The following MLXIP variants were observed in gnomAD, a reference collection of about 807,000 sequenced individuals.
The protein encoded by MLXIP is MLX interacting protein.
Under a neutral mutation model 87.2 loss-of-function variants are expected in MLXIP, and 30 were observed. The observed-to-expected ratio is 0.34, with a 90% CI of 0.26 to 0.47. The LOEUF is 0.47. Among genes scored for constraint, MLXIP ranks in the 20% least tolerant of loss-of-function variants. The pLI is 1.00. For missense variants in MLXIP, 1,002 were observed against 1,240.1 expected (o/e 0.81, Z 2.88); for synonymous variants, 530 against 514.0 (o/e 1.03, Z -0.42).
rs553617512 is a variant in MLXIP, at chr12:122,104,194, A to ACAAGTGTACT, written c.414-23061_414-23052dup. 5.4e-3 allele frequency among the ~76,000 whole-genome samples: 823 copies of ACAAGTGTACT among 152,330 alleles called. 7 individuals carry two copies. Among genetic ancestry groups the ACAAGTGTACT allele is most frequent in the African/African-American group, 0.018 (767 of 41,580 alleles). On this transcript the variant is annotated intron_variant, in intron 1 of 16. Transcript: ENST00000319080. ...TATGTAAACAATAAAATTCACCCTT[A>ACAAGTGTACT]CAAGTGTACTGATTTATAGTTTTGG...
At chr12:122,080,989 C>T (rs1314092303) in intron 1 of MLXIP, among the ~76,000 whole-genome samples, 4 of 152,044 alleles carry the variant, frequency 2.6e-5, no homozygotes, top group Non-Finnish European at 5.9e-5. Context: ...CCTAAGTAAG[C>T]TCTGCTAAAT....
rs1261786433 is a variant in MLXIP at position 122,138,175 on chromosome 12, C to A, written c.2155-19C>A. 6.3e-7 allele frequency: 1 copy of A among 1,579,004 alleles called. No homozygotes were observed. Among genetic ancestry groups the A allele is most frequent in the Non-Finnish European group, 8.6e-7 (1 of 1,162,094 alleles). On this transcript the variant is annotated intron_variant, in intron 12 of 16. Coordinates refer to ENST00000319080, the MANE Select transcript of MLXIP (RefSeq NM_014938.6). The stretch of plus-strand genomic sequence containing the variant: ...GCCTGCAATGTGCCTGTCTTAGTGA[C>A]CAGCGGGTTCTCCAGCAGAACCGGC...
intron 4 of MLXIP, 70 bp from the exon 5 acceptor site, chr12:122,129,518 G>A (rs1952936861): frequency 6.4e-7 from 1 of 1,567,632 alleles, no homozygotes; most frequent in Non-Finnish European, 8.7e-7. Context: ...TGAGAGTTCT[G>A]TATATTCTAG....
At chr12:122,131,213 T>C (rs1412813902) in intron 7 of MLXIP, among the ~76,000 whole-genome samples, 2 of 152,062 alleles carry the variant, frequency 1.3e-5, no homozygotes. Context: ...GCCAGCTCCC[T>C]ACCAAGGCCC....
At chr12:122,129,289 G>C (rs1197705266) in intron 4 of MLXIP, 63 bp downstream of exon 4, 3 of 1,444,874 alleles carry the variant, frequency 2.1e-6, no homozygotes, top group African/African-American at 2.8e-5. Context: ...CCCTGGTTCA[G>C]GGCCCTGGCC....
intron 1 of MLXIP, among the ~76,000 whole-genome samples, chr12:122,088,844 C>T (rs561851024): frequency 1.3e-5 from 2 of 151,996 alleles, no homozygotes; most frequent in African/African-American, 2.4e-5. Flanking sequence ...GCCTAGTTTT[C>T]GGATATTCAC....
rs1565989793 is a variant in MLXIP at position 122,138,566 on chromosome 12, C to G, written c.2384+15C>G. 2 of 1,604,126 alleles carry G rather than the reference C, an allele frequency of 1.2e-6. No individual in the cohort carries two copies. Among genetic ancestry groups the G allele is most frequent in the Non-Finnish European group, 8.5e-7 (1 of 1,176,068 alleles). On this transcript the variant is annotated intron_variant, in intron 14 of 16. Transcript: ENST00000319080. ...GCCACCATCATGTGAGCTTCTGGGC[C>G]TTGGGGCTCCAACCAGGCACCCCAT...
At chr12:122,119,935 A>G (rs1057230876) in intron 1 of MLXIP, among the ~76,000 whole-genome samples, 7 of 152,156 alleles carry the variant, frequency 4.6e-5, no homozygotes, top group African/African-American at 1.4e-4. Flanking sequence ...CCATCATTCT[A>G]TCCCCAGCAC....
chr12:122,136,158 A>C (rs534407429), intron 11 of MLXIP: 3 of 154,806 alleles, frequency 1.9e-5, no homozygotes, highest in Non-Finnish European at 4.3e-5. Context: ...AGCAGGACTG[A>C]TTTTGCCCAG....
chr12:122,129,385 C>T, intron 4 of MLXIP, 159 bp downstream of exon 4: 1 of 374,188 alleles, frequency 2.7e-6, no homozygotes, highest in Non-Finnish European at 3.7e-6. Context: ...CTAGCCTGGG[C>T]AATGGCCTGC....
intron 1 of MLXIP, among the ~76,000 whole-genome samples, chr12:122,104,729 G>A (rs757633421): frequency 1.3e-5 from 2 of 151,776 alleles, no homozygotes; most frequent in Non-Finnish European, 2.9e-5. Context: ...ATAGGTGCCC[G>A]CCACCACGCC....
At position 122,138,508 on chromosome 12, in the gene MLXIP, C is replaced by T. The variant is rs777084983; in HGVS notation, c.2341C>T (p.Arg781Trp). 8.7e-6 allele frequency: 14 copies of T among 1,613,636 alleles called. No individual in the cohort carries two copies. Among genetic ancestry groups the T allele is most frequent in the East Asian group, 2.2e-5 (1 of 44,888 alleles). Residue 781 changes from arginine to tryptophan, a missense_variant, in exon 14 of 17, where the codon CGG becomes TGG. This residue lies in a region of MLXIP where 746 missense variants were observed against 897.0 expected (regional missense o/e 0.83). Transcript: ENST00000319080. Reference protein sequence around the residue: ...QERGQMQEEARRLREEIEELN... With the variant: ...QERGQMQEEAWRLREEIEELN... ...GAGAGGCCAGATGCAGGAGGAGGCC[C>T]GGCGGCTGCGGGAGGAGATCGAGGA...
At chr12:122,139,397 C>T (rs1425202265) in intron 15 of MLXIP, among the ~76,000 whole-genome samples, 1 of 152,234 alleles carries the variant, frequency 6.6e-6, no homozygotes, top group East Asian at 1.9e-4. Flanking sequence ...ATGTCCACCT[C>T]TAGGGGCTCT....
At chr12:122,116,053 A>AACAC (rs138548664) in intron 1 of MLXIP, among the ~76,000 whole-genome samples, 8,367 of 147,232 alleles carry the variant, frequency 0.057, 274 homozygotes, top group African/African-American at 0.091. Context: ...TCCATCTGAA[A>AACAC]ACACACACAC....
At chr12:122,123,096 G>A (rs1952810794) in intron 1 of MLXIP, among the ~76,000 whole-genome samples, 1 of 152,016 alleles carries the variant, frequency 6.6e-6, no homozygotes. Context: ...GAAGATTGAC[G>A]GGGCACAGCC....
intron 1 of MLXIP, among the ~76,000 whole-genome samples, chr12:122,082,532 C>T (rs901754882): frequency 1.3e-5 from 2 of 152,122 alleles, no homozygotes; most frequent in Admixed American, 6.5e-5. Context: ...GAGGGTTTAA[C>T]GGGCTCCGCA....
At chr12:122,118,528 T>G (rs1232485216) in intron 1 of MLXIP, among the ~76,000 whole-genome samples, 2 of 152,158 alleles carry the variant, frequency 1.3e-5, no homozygotes, top group African/African-American at 4.8e-5. Flanking sequence ...CCTACATGTC[T>G]GTGTGGATAT....
At position 122,137,175 on chromosome 12, in the gene MLXIP, A is replaced by G. The variant is rs747051687; in HGVS notation, c.2033-294A>G. 1.0e-4 allele frequency: 23 copies of G among 220,396 alleles called. No individual in the cohort carries two copies. Among genetic ancestry groups the G allele is most frequent in the East Asian group, 1.8e-4 (2 of 10,948 alleles). The allele number at this position is 220,396 out of a possible 1,614,324, so 13.7% of individuals were successfully genotyped here. ...TAATTAAAAAATATAATAATAATAA[A>G]GAGCCCACCTGCGAAATATCTCGTA... is the stretch of plus-strand genomic sequence containing the variant. On this transcript the variant is annotated intron_variant, in intron 11 of 16. Transcript: ENST00000319080. This position sits in a 1 kb window ranked among gnomAD's most constrained non-coding sequence, Gnocchi z 4.1.
At chr12:122,129,658 C>T in intron 5 of MLXIP, 29 bp downstream of exon 5, 1 of 1,565,514 alleles carries the variant, frequency 6.4e-7, no homozygotes, top group Non-Finnish European at 8.6e-7. Context: ...TCTGAGGACC[C>T]CCACTTTGAC....
Sources: gnomAD v4.1 joint callset for allele counts (sites outside exome capture counted in the v4.1 genomes callset) on GRCh38, gnomAD v4.1.1 for gene constraint, gnomAD v4.1.1 regional missense constraint, Gnocchi (gnomAD v3.1) non-coding constraint, MANE v1.5 for transcripts, NCBI Gene and HGNC (gene_info 2026-07-23, HGNC 2026-07-21) for gene names.